APPL1: variants seen among roughly 807,000 people sequenced by gnomAD.
APPL1 encodes DCC-interacting protein 13-alpha.
In APPL1, 42 loss-of-function variants were observed where a neutral mutation model predicts 106.8. The observed-to-expected ratio is 0.39, with a 90% CI of 0.31 to 0.51. The LOEUF (loss-of-function observed/expected upper bound fraction) is 0.51, where lower values mean the gene tolerates loss of function less well. Among genes scored for constraint, APPL1 ranks in the 20% least tolerant of loss-of-function variants. The pLI is 0.75. For synonymous variants in APPL1, 263 were observed against 281.8 expected, an observed-to-expected ratio of 0.93 and a Z score of 0.67; for missense variants, 769 against 858.2, an observed-to-expected ratio of 0.90 and a Z score of 1.30.
At chr3:57,268,197 C>A in intron 20 of APPL1, 1 of 521,390 alleles carries the variant, frequency 1.9e-6, no homozygotes, top group Non-Finnish European at 3.3e-6. Flanking sequence ...TTTTGCTAAG[C>A]AAGGTTAACA....
In APPL1 at chr3:57,228,039, G is replaced by T; in HGVS notation, c.54+102G>T. The T allele has an allele frequency of 9.6e-7, 1 of 1,042,024 alleles. No individual in the cohort carries two copies. The highest frequency in any genetic ancestry group is 3.1e-5 in the South Asian group (1 of 32,766). 64.5% of individuals were successfully genotyped at this position (1,042,024 alleles called of 1,614,324 possible). On this transcript the variant is annotated intron_variant, in intron 1 of 21. Transcript: ENST00000288266. This position sits in a 1 kb window ranked among gnomAD's most constrained non-coding sequence, Gnocchi z 4.6. ...GCAGGTGCCCGCCCCGGCCCAGGTG[G>T]GGGCCGCCGCCGCCCTAGGTCACCG...
chr3:57,254,713 C>T (rs2060825714), intron 13 of APPL1, among the ~76,000 whole-genome samples: 1 of 152,212 alleles, frequency 6.6e-6, no homozygotes, highest in South Asian at 2.1e-4. Flanking sequence ...CAGCCTCTGC[C>T]TCCCGGGTTC....
intron 9 of APPL1, among the ~76,000 whole-genome samples, chr3:57,247,794 A>G (rs1209230879): frequency 6.6e-6 from 1 of 152,126 alleles, no homozygotes; most frequent in African/African-American, 2.4e-5. Context: ...GTTTGATGGG[A>G]GATTACTAAA....
At chr3:57,240,385 C>T in intron 4 of APPL1, 80 bp from the exon 5 acceptor site, 2 of 1,087,834 alleles carry the variant, frequency 1.8e-6, no homozygotes, top group East Asian at 2.4e-5. Flanking sequence ...ACCATTTTTA[C>T]TAGATTATGT....
Position 57,240,399 on chromosome 3 carries a change from A to G in APPL1, c.286-66A>G. The G allele has an allele frequency of 4.0e-6, 5 of 1,261,704 alleles. No individual in the cohort carries two copies. In the Admixed American group the frequency reaches 5.4e-5, roughly 14 times the overall value. 78.2% of individuals were successfully genotyped at this position (1,261,704 alleles called of 1,614,324 possible). A position where few individuals can be genotyped will look rare whatever the true frequency, so the allele number is the denominator to read the frequency against. ...AACCATTTTTACTAGATTATGTTTA[A>G]TTTACATAACACTGGTTAAATGTCT... On this transcript the variant is annotated intron_variant, in intron 4 of 21. Transcript: ENST00000288266.
At position 57,249,452 on chromosome 3, in the gene APPL1, G is replaced by C; in HGVS notation, c.956G>C (p.Gly319Ala). Residue 319 changes from glycine to alanine, a missense_variant, in exon 11 of 22, where the codon GGA (glycine) becomes GCA (alanine). Gly to Ala is a moderately conservative substitution (Grantham distance 60, BLOSUM62 0). Coordinates refer to ENST00000288266, the MANE Select transcript of APPL1 (RefSeq NM_012096.3). ...LMSQARGDVA[G>A]GLAMDIDNCS... The stretch of plus-strand genomic sequence containing the variant: ...AGTCAGGCCCGTGGGGATGTAGCAG[G>C]AGGCCTGGCCATGGACATAGACAAC... 1 of 1,614,170 alleles carries C rather than the reference G, an allele frequency of 6.2e-7. No individual in the cohort carries two copies. The highest frequency in any genetic ancestry group is 1.1e-5 in the South Asian group (1 of 91,078).
At chr3:57,257,598 A>G (rs190261924) in intron 15 of APPL1, among the ~76,000 whole-genome samples, 170 bp downstream of exon 15, 1 of 152,154 alleles carries the variant, frequency 6.6e-6, no homozygotes, top group Non-Finnish European at 1.5e-5. Flanking sequence ...TTTTTTCTCT[A>G]TGTCTTCTGC....
intron 13 of APPL1, among the ~76,000 whole-genome samples, chr3:57,254,194 A>G (rs1374504400): frequency 6.6e-6 from 1 of 152,166 alleles, no homozygotes; most frequent in Non-Finnish European, 1.5e-5. Context: ...CCATGAATGT[A>G]ATGAGTGGTC....
chr3:57,272,861 A>C lies in APPL1; in HGVS notation c.*3174A>C, dbSNP rs2060953671. 6.6e-6 allele frequency: 1 copy of C among 152,204 alleles called. No homozygotes were observed. Among genetic ancestry groups the C allele is most frequent in the African/African-American group, 2.4e-5 (1 of 41,440 alleles). The allele number at this position is 152,204 out of a possible 1,614,324, so 9.4% of individuals were successfully genotyped here. A position where few individuals can be genotyped will look rare whatever the true frequency, so the allele number is the denominator to read the frequency against. ...TGATCCGCCCGCCTCGGCCTCCCAA[A>C]GTGCTGGGATTACAGGCGTGAGCCA... On this transcript the variant is annotated 3_prime_UTR_variant, in exon 22 of 22. Transcript: ENST00000288266.
At chr3:57,239,855 TTGTG>T (rs1160814590) in intron 4 of APPL1, among the ~76,000 whole-genome samples, 1 of 152,150 alleles carries the variant, frequency 6.6e-6, no homozygotes, top group Non-Finnish European at 1.5e-5. Flanking sequence ...TTATTTTAGT[TTGTG>T]TGTATTTAAA....
intron 19 of APPL1, among the ~76,000 whole-genome samples, chr3:57,263,765 GTT>G (rs377176956): frequency 2.4e-4 from 33 of 139,070 alleles, no homozygotes; most frequent in African/African-American, 7.4e-4. Context: ...TTCATCTGTT[GTT>G]TTTTTTTTTT....
Position 57,259,979 on chromosome 3 carries a change from A to G in APPL1, c.1618A>G (p.Met540Val), listed in dbSNP as rs1273602290. ...AARAIHNIFR[M>V]TESHLLVTCD... ...CCGGGCCATCCATAACATCTTTCGTATGACAGAATCGCATTTATTAGTCAC... is the reference window on the plus strand; with the variant it reads ...CCGGGCCATCCATAACATCTTTCGTGTGACAGAATCGCATTTATTAGTCAC... Residue 540 changes from methionine (M) to valine (V), a missense_variant, in exon 17 of 22, where the codon ATG becomes GTG. By Grantham distance (21) the Met-to-Val change is conservative. Transcript: ENST00000288266. The G allele has an allele frequency of 1.2e-6, 2 of 1,613,958 alleles. No homozygotes were observed. The highest frequency in any genetic ancestry group is 2.2e-5 in the South Asian group (2 of 90,988).
chr3:57,249,190 A>T lies in APPL1; in HGVS notation c.864-170A>T, dbSNP rs146045034. Among the ~76,000 whole-genome samples the T allele has an allele frequency of 1.4e-4, 22 of 152,348 alleles. No individual in the cohort carries two copies. The East Asian group carries it at 3.5e-3, about 24-fold the overall frequency. ...TATACACATTCACAAAAGTGAGTCA[A>T]CATACATGAATTTATTTTAGAGACT... On this transcript the variant is annotated intron_variant, in intron 10 of 21. Coordinates refer to ENST00000288266, the MANE Select transcript of APPL1 (RefSeq NM_012096.3).
chr3:57,239,071 G>A, intron 4 of APPL1, among the ~76,000 whole-genome samples: 1 of 152,226 alleles, frequency 6.6e-6, no homozygotes, highest in East Asian at 1.9e-4. Context: ...CATGGCGGCA[G>A]ATGAGAGAGA....
intron 11 of APPL1, 91 bp downstream of exon 11, chr3:57,249,639 C>CCTAAAATGTCCATAAA: frequency 1.7e-6 from 2 of 1,170,902 alleles, no homozygotes; most frequent in Non-Finnish European, 2.3e-6. Flanking sequence ...ATTTTATGGA[C>CCTAAAATGTCCATAAA]ATTTTAGGTT....
At chr3:57,243,568 A>ACACAC (rs2060757661) in intron 7 of APPL1, among the ~76,000 whole-genome samples, 3 of 152,182 alleles carry the variant, frequency 2.0e-5, no homozygotes, top group African/African-American at 7.2e-5. Context: ...GTGGAAACAC[A>ACACAC]GTGACTGCTT....
chr3:57,247,591 A>G, intron 9 of APPL1, 114 bp downstream of exon 9: 1 of 710,352 alleles, frequency 1.4e-6, no homozygotes, highest in Non-Finnish European at 2.3e-6. Flanking sequence ...TTTCCCTGCC[A>G]TGAGAGTTTC....
At chr3:57,260,227 C>A in intron 18 of APPL1, 74 bp downstream of exon 18, 1 of 1,441,186 alleles carries the variant, frequency 6.9e-7, no homozygotes, top group Non-Finnish European at 9.5e-7. Flanking sequence ...TGATAATAAT[C>A]CTGATCCTGT....
At position 57,272,662 on chromosome 3, in the gene APPL1, T is replaced by G. The variant is rs2060950776; in HGVS notation, c.*2975T>G. ...TTGCCCAGGCTGGAGTGCAGTGGTGTGATCTTGGGTCACTGCAAACTCCGC... is the reference window on the plus strand; with the variant it reads ...TTGCCCAGGCTGGAGTGCAGTGGTGGGATCTTGGGTCACTGCAAACTCCGC... On this transcript the variant is annotated 3_prime_UTR_variant, in exon 22 of 22. Coordinates refer to ENST00000288266, the MANE Select transcript of APPL1 (RefSeq NM_012096.3). The G allele has an allele frequency of 6.6e-6, 1 of 152,176 alleles. No individual in the cohort carries two copies. The highest frequency in any genetic ancestry group is 2.4e-5 in the African/African-American group (1 of 41,428). 9.4% of individuals were successfully genotyped at this position (152,176 alleles called of 1,614,324 possible). A position where few individuals can be genotyped will look rare whatever the true frequency, so the allele number is the denominator to read the frequency against.
Sources: allele counts gnomAD v4.1 joint callset (sites outside exome capture counted in the v4.1 genomes callset), GRCh38; gene constraint gnomAD v4.1.1; non-coding constraint Gnocchi (gnomAD v3.1); transcripts MANE v1.5; gene names NCBI Gene and HGNC (gene_info 2026-07-23, HGNC 2026-07-21).